The following ENPP6 variants were observed in gnomAD, a reference collection of about 807,000 sequenced individuals.
The protein encoded by ENPP6 is glycerophosphocholine cholinephosphodiesterase ENPP6.
In ENPP6, 32 loss-of-function variants were observed where a neutral mutation model predicts 42.0. That is an observed-to-expected ratio of 0.76 (90% CI 0.58 to 1.02). The LOEUF (loss-of-function observed/expected upper bound fraction) is 1.02, where lower values mean the gene tolerates loss of function less well. Among genes scored for constraint, ENPP6 ranks in the 50% least tolerant of loss-of-function variants. The pLI is 0.00. For synonymous variants in ENPP6, 213 were observed against 216.0 expected (o/e 0.99, Z 0.12); for missense variants, 552 against 566.8 (o/e 0.97, Z 0.27).
At chr4:184,148,941 G>A (rs377234372) in intron 2 of ENPP6, among the ~76,000 whole-genome samples, 6 of 152,186 alleles carry the variant, frequency 3.9e-5, no homozygotes, top group African/African-American at 1.2e-4. Context: ...CTGGAAAGAC[G>A]TTTACAGTTT....
chr4:184,112,756 G>A lies in ENPP6; in HGVS notation c.909C>T (p.Ala303=). Residue 303 remains alanine (A), a synonymous_variant, in exon 6 of 8, where the codon GCC becomes GCT. Coordinates refer to ENST00000296741, the MANE Select transcript of ENPP6 (RefSeq NM_153343.4). The stretch of plus-strand genomic sequence containing the variant: ...TCTTGTAATAGAACCTGCTTGGGAT[G>A]GCTTCTTTCTCGTAGACAGTCATGT... ...VEHMTVYEKE[A]IPSRFYYKKG... is the part of the protein sequence containing the mutation. 1 of 1,614,072 alleles carries A rather than the reference G, an allele frequency of 6.2e-7. No homozygotes were observed.
At chr4:184,160,459 T>C (rs1737241635) in intron 1 of ENPP6, among the ~76,000 whole-genome samples, 1 of 152,242 alleles carries the variant, frequency 6.6e-6, no homozygotes, top group South Asian at 2.1e-4. Flanking sequence ...TTGAGAATTG[T>C]CTACTCATGA....
intron 1 of ENPP6, among the ~76,000 whole-genome samples, chr4:184,156,692 G>T (rs948497106): frequency 1.2e-4 from 19 of 152,232 alleles, no homozygotes; most frequent in Non-Finnish European, 2.9e-5. Context: ...TACTCTGGGG[G>T]CTTTGAAATA....
chr4:184,214,673 C>T (rs1305170347), intron 1 of ENPP6, among the ~76,000 whole-genome samples: 1 of 152,198 alleles, frequency 6.6e-6, no homozygotes, highest in East Asian at 1.9e-4. Flanking sequence ...GTGTTCATGT[C>T]CTTTGCAGAG....
chr4:184,130,734 G>T (rs62340116), intron 2 of ENPP6, among the ~76,000 whole-genome samples: 99,558 of 150,722 alleles, frequency 0.66, 33,096 homozygotes, highest in Non-Finnish European at 0.68. Flanking sequence ...AAGAGAGAGA[G>T]AGTGGTGACT....
chr4:184,123,789 T>C (rs1197103838), intron 3 of ENPP6, among the ~76,000 whole-genome samples: 25 of 152,210 alleles, frequency 1.6e-4, no homozygotes, highest in Admixed American at 1.6e-3. Flanking sequence ...TTTCCCAAAC[T>C]TATTTGACCA....
At chr4:184,153,441 TA>T in intron 2 of ENPP6, 112 bp downstream of exon 2, 1 of 1,249,660 alleles carries the variant, frequency 8.0e-7, no homozygotes, top group Non-Finnish European at 1.1e-6. Flanking sequence ...ATTTCTTAAA[TA>T]AAGATCCCAT....
chr4:184,102,434 G>C (rs928093723), intron 6 of ENPP6, among the ~76,000 whole-genome samples: 1 of 152,206 alleles, frequency 6.6e-6, no homozygotes, highest in Non-Finnish European at 1.5e-5. Context: ...GTCTTTTCAT[G>C]ATGCATTTTT....
intron 1 of ENPP6, among the ~76,000 whole-genome samples, chr4:184,194,066 A>G (rs1732752036): frequency 6.6e-6 from 1 of 151,792 alleles, no homozygotes; most frequent in Admixed American, 6.6e-5. Context: ...CTTCTTCCAC[A>G]CTGTGCCCAC....
In ENPP6 at chr4:184,117,156, T is replaced by C. The variant is rs894983246; in HGVS notation, c.676-121A>G. On this transcript the variant is annotated intron_variant, in intron 4 of 7. Coordinates refer to ENST00000296741, the MANE Select transcript of ENPP6 (RefSeq NM_153343.4). ...CTCCTCAGTTCTGTGTTTAATCTTCTACTATTTTGCCCTGGTGAGACCCAG... is the reference window on the plus strand; with the variant it reads ...CTCCTCAGTTCTGTGTTTAATCTTCCACTATTTTGCCCTGGTGAGACCCAG... The C allele has an allele frequency of 3.2e-6, 4 of 1,256,474 alleles. No individual in the cohort carries two copies. The African/African-American group carries it at 6.0e-5, about 19-fold the overall frequency. The allele number at this position is 1,256,474 out of a possible 1,614,324, so 77.8% of individuals were successfully genotyped here.
intron 1 of ENPP6, 124 bp from the exon 2 acceptor site, chr4:184,153,857 T>C: frequency 8.8e-7 from 1 of 1,138,290 alleles, no homozygotes; most frequent in Non-Finnish European, 1.2e-6. Flanking sequence ...AAAGATTTGC[T>C]TTTGACTTTA....
At chr4:184,173,964 T>C (rs1737519361) in intron 1 of ENPP6, among the ~76,000 whole-genome samples, 1 of 152,050 alleles carries the variant, frequency 6.6e-6, no homozygotes, top group South Asian at 2.1e-4. Flanking sequence ...CTGGGAACAC[T>C]GCAGATCGTA....
chr4:184,168,716 C>G (rs1002860919), intron 1 of ENPP6, among the ~76,000 whole-genome samples: 1 of 152,240 alleles, frequency 6.6e-6, no homozygotes, highest in Non-Finnish European at 1.5e-5. Context: ...GAAGGCCACC[C>G]CCAGGATTCG....
At chr4:184,124,909 AAGTAGAAGT>A (rs1040854223) in intron 2 of ENPP6, among the ~76,000 whole-genome samples, 67 of 152,330 alleles carry the variant, frequency 4.4e-4, no homozygotes, top group Non-Finnish European at 1.2e-4. Flanking sequence ...ACTCCTGGAC[AAGTAGAAGT>A]AGTTGCTCTG....
intron 3 of ENPP6, among the ~76,000 whole-genome samples, chr4:184,121,540 C>T (rs1736416484): frequency 1.3e-5 from 2 of 152,218 alleles, no homozygotes; most frequent in Non-Finnish European, 1.5e-5. Context: ...TGTATGAAAA[C>T]TCCAAGTGTT....
intron 1 of ENPP6, among the ~76,000 whole-genome samples, chr4:184,189,771 C>T (rs773408074): frequency 3.9e-5 from 6 of 152,188 alleles, no homozygotes; most frequent in Non-Finnish European, 5.9e-5. Context: ...GATCTCACCA[C>T]AGCCCGGAGT....
intron 7 of ENPP6, among the ~76,000 whole-genome samples, chr4:184,095,782 G>A (rs775139101): frequency 4.6e-5 from 7 of 151,838 alleles, no homozygotes; most frequent in Non-Finnish European, 1.0e-4. Context: ...GGAATGGAGG[G>A]TGCCATGCTT....
chr4:184,120,036 C>A (rs1359127139), intron 3 of ENPP6, among the ~76,000 whole-genome samples: 1 of 152,156 alleles, frequency 6.6e-6, no homozygotes, highest in Non-Finnish European at 1.5e-5. Context: ...GTGTATTAAA[C>A]AAGCTGATGT....
intron 1 of ENPP6, among the ~76,000 whole-genome samples, chr4:184,205,147 G>A (rs1354912533): frequency 1.3e-5 from 2 of 152,094 alleles, no homozygotes; most frequent in Non-Finnish European, 1.5e-5. Flanking sequence ...TAGACAGGCT[G>A]GTCTCGAACT....
Sources: allele counts gnomAD v4.1 joint callset (sites outside exome capture counted in the v4.1 genomes callset), GRCh38; gene constraint gnomAD v4.1.1; transcripts MANE v1.5; gene names NCBI Gene and HGNC (gene_info 2026-07-23, HGNC 2026-07-21).